The following PRPSAP2 variants were observed in gnomAD, a reference collection of about 807,000 sequenced individuals.
The protein encoded by PRPSAP2 is phosphoribosyl pyrophosphate synthase-associated protein 2.
A neutral mutation model predicts 40.6 loss-of-function variants in PRPSAP2; 24 were observed. That is an observed-to-expected ratio of 0.59 (90% CI 0.43 to 0.83). The LOEUF (loss-of-function observed/expected upper bound fraction) is 0.83. Among genes scored for constraint, PRPSAP2 ranks in the 40% least tolerant of loss-of-function variants. PRPSAP2 has a pLI of 0.00. For synonymous variants in PRPSAP2, 149 were observed against 164.7 expected, an observed-to-expected ratio of 0.90 and a Z score of 0.73; for missense variants, 292 against 465.6, an observed-to-expected ratio of 0.63 and a Z score of 3.43.
intron 9 of PRPSAP2, among the ~76,000 whole-genome samples, chr17:18,913,723 T>C (rs1256804958): frequency 6.6e-6 from 1 of 151,244 alleles, no homozygotes. Context: ...AATTTTTGTA[T>C]TTTTTGTAGA....
chr17:18,880,851 C>T (rs891006514), intron 6 of PRPSAP2, among the ~76,000 whole-genome samples: 2 of 151,708 alleles, frequency 1.3e-5, no homozygotes, highest in East Asian at 1.9e-4. Flanking sequence ...TTTATTTTTT[C>T]GAGATGGAGT....
At position 18,880,668 on chromosome 17, in the gene PRPSAP2, C is replaced by G. The variant is rs547116104; in HGVS notation, c.413-1900C>G. ...AAGTGATACTCCTGCCTCGGCCTCC[C>G]AAAGTGCTGGGTTTACAGGCATGAG... On this transcript the variant is annotated intron_variant, in intron 6 of 11. Coordinates refer to ENST00000268835, the MANE Select transcript of PRPSAP2 (RefSeq NM_002767.4). 2.0e-5 allele frequency among the ~76,000 whole-genome samples: 3 copies of G among 152,250 alleles called. No homozygotes were observed. In the East Asian group the frequency reaches 5.8e-4, roughly 29 times the overall value.
Position 18,928,862 on chromosome 17 carries a change from A to G in PRPSAP2, c.856A>G (p.Lys286Glu), listed in dbSNP as rs1239460264. 2 of 1,613,996 alleles carry G rather than the reference A, an allele frequency of 1.2e-6. No individual in the cohort carries two copies. The highest frequency in any genetic ancestry group is 1.7e-6 in the Non-Finnish European group (2 of 1,180,002). ...CTTTCTTGCTGCAGCAGAGACCCTGAAGGAAAGAGGTGCATATAAGATCTT... is the reference window on the plus strand; with the variant it reads ...CTTTCTTGCTGCAGCAGAGACCCTGGAGGAAAGAGGTGCATATAAGATCTT... ...DSFLAAAETLKERGAYKIFVM... is the reference protein window; with the variant it reads ...DSFLAAAETLEERGAYKIFVM... The change falls in exon 11 of 12, where the codon AAG (lysine) becomes GAG (glutamate). Residue 286 changes from lysine to glutamate, a missense_variant. Physicochemically the swap from Lys to Glu is moderately conservative, Grantham distance 56. Around this residue, in one of 2 missense-constraint regions of PRPSAP2, gnomAD observed 241 missense variants for 425.7 expected, o/e 0.57. Coordinates refer to ENST00000268835, the MANE Select transcript of PRPSAP2 (RefSeq NM_002767.4).
At chr17:18,874,099 T>C (rs552223400) in intron 5 of PRPSAP2, among the ~76,000 whole-genome samples, 86 of 151,900 alleles carry the variant, frequency 5.7e-4, no homozygotes, top group Non-Finnish European at 1.0e-3. Flanking sequence ...GAGATGGAGG[T>C]CTCACTGTAT....
chr17:18,867,359 CAT>C (rs765020404), intron 4 of PRPSAP2, 25 bp downstream of exon 4: 6 of 1,611,884 alleles, frequency 3.7e-6, no homozygotes, highest in Non-Finnish European at 5.1e-6. Flanking sequence ...GCATGTGGAA[CAT>C]TGACCTTTTT....
At chr17:18,910,461 T>C (rs1263903426) in intron 8 of PRPSAP2, among the ~76,000 whole-genome samples, 1 of 152,124 alleles carries the variant, frequency 6.6e-6, no homozygotes, top group African/African-American at 2.4e-5. Flanking sequence ...CTTTATGATT[T>C]CACTTACGTG....
chr17:18,877,168 C>T (rs2038359973), intron 5 of PRPSAP2, among the ~76,000 whole-genome samples: 1 of 152,096 alleles, frequency 6.6e-6, no homozygotes, highest in African/African-American at 2.4e-5. Flanking sequence ...CCACTGATGA[C>T]CTTTATGAAA....
intron 9 of PRPSAP2, among the ~76,000 whole-genome samples, chr17:18,919,762 A>T (rs2041587273): frequency 6.6e-6 from 1 of 152,238 alleles, no homozygotes; most frequent in Admixed American, 6.5e-5. Flanking sequence ...ATAGATAAAC[A>T]GGATCAGAAA....
chr17:18,902,091 A>AT lies in PRPSAP2; in HGVS notation c.585-9003dup, dbSNP rs202065025. ...GAGCCACTGCATCTGGCCTTGATAC[A>AT]TTTTTTTTTCTTTCCCACTAAATAC... On this transcript the variant is annotated intron_variant, in intron 8 of 11. Coordinates refer to ENST00000268835, the MANE Select transcript of PRPSAP2 (RefSeq NM_002767.4). Among the ~76,000 whole-genome samples the AT allele has an allele frequency of 3.3e-3, 497 of 151,406 alleles. 6 individuals carry two copies. The highest frequency in any genetic ancestry group is 0.011 in the African/African-American group (461 of 41,286).
Position 18,899,544 on chromosome 17 carries a change from T to G in PRPSAP2, c.584+9667T>G, listed in dbSNP as rs561484110. Among the ~76,000 whole-genome samples, 265 of 130,880 alleles carry G rather than the reference T, an allele frequency of 2.0e-3. 3 individuals carry two copies. In the East Asian group the frequency reaches 0.048, roughly 24 times the overall value. The allele number at this position is 130,880 out of a possible 152,430, so 85.9% of individuals were successfully genotyped here. A position where few individuals can be genotyped will look rare whatever the true frequency, so the allele number is the denominator to read the frequency against. ...GTTTTTTTTTTTTTTTTTTTTTTTT[T>G]TGAGACAGGGTCTCACCTCTGTTGC... On this transcript the variant is annotated intron_variant, in intron 8 of 11. Transcript: ENST00000268835.
chr17:18,905,517 A>G (rs779986245), intron 8 of PRPSAP2, among the ~76,000 whole-genome samples: 40 of 152,086 alleles, frequency 2.6e-4, no homozygotes, highest in Non-Finnish European at 4.9e-4. Flanking sequence ...CTAATAATCT[A>G]TGTGATGCCA....
At chr17:18,877,576 T>G (rs1264041674) in intron 5 of PRPSAP2, 122 bp from the exon 6 acceptor site, 1 of 804,882 alleles carries the variant, frequency 1.2e-6, no homozygotes, top group African/African-American at 2.2e-5. Flanking sequence ...TATTGGTTGG[T>G]TTTTTTCTGC....
chr17:18,881,522 G>A (rs1018528994), intron 6 of PRPSAP2, among the ~76,000 whole-genome samples: 21 of 152,032 alleles, frequency 1.4e-4, no homozygotes, highest in African/African-American at 4.8e-4. Flanking sequence ...ACAGGCGTGA[G>A]CCACCGTGTC....
At chr17:18,893,204 G>C (rs900274173) in intron 8 of PRPSAP2, among the ~76,000 whole-genome samples, 2 of 127,438 alleles carry the variant, frequency 1.6e-5, no homozygotes, top group African/African-American at 6.0e-5. Flanking sequence ...GCCCAGGCTT[G>C]AGTGCAGTGT....
intron 11 of PRPSAP2, chr17:18,929,937 T>G (rs1365093876): frequency 1.3e-5 from 2 of 152,160 alleles, no homozygotes; most frequent in Non-Finnish European, 2.9e-5. Context: ...TGCCAGACTG[T>G]TTTTCAAAGC....
In PRPSAP2 at chr17:18,885,403, C is replaced by CAA. The variant is rs775079199; in HGVS notation, c.528+2745_528+2746dup. On this transcript the variant is annotated intron_variant, in intron 7 of 11. Transcript: ENST00000268835. ...GGCGACAGAGTGAGATTCCTTCTCACAAAAAAAAAAAAAAAAAAAAAAAAA... is the reference window on the plus strand; with the variant it reads ...GGCGACAGAGTGAGATTCCTTCTCACAAAAAAAAAAAAAAAAAAAAAAAAAAA... Among the ~76,000 whole-genome samples the CAA allele has an allele frequency of 9.9e-3, 108 of 10,952 alleles. 22 individuals carry two copies. Among genetic ancestry groups the CAA allele is most frequent in the African/African-American group, 0.015 (70 of 4,548 alleles). 7.2% of individuals were successfully genotyped at this position (10,952 alleles called of 152,430 possible). A position where few individuals can be genotyped will look rare whatever the true frequency, so the allele number is the denominator to read the frequency against.
chr17:18,895,081 CT>C (rs35066217), intron 8 of PRPSAP2, among the ~76,000 whole-genome samples: 60,403 of 131,032 alleles, frequency 0.46, 13,663 homozygotes, highest in African/African-American at 0.53. Flanking sequence ...TAGATGTGTA[CT>C]TTTTTTTTTT....
At position 18,930,720 on chromosome 17, in the gene PRPSAP2, C is replaced by G. The variant is rs369036906; in HGVS notation, c.*22C>G. On this transcript the variant is annotated 3_prime_UTR_variant, in exon 12 of 12. Transcript: ENST00000268835. ...CTGAGTTTTCCTTTAGGAAAACTCCCGAGGGCCAAACTGGAAACATAAGAG... is the reference window on the plus strand; with the variant it reads ...CTGAGTTTTCCTTTAGGAAAACTCCGGAGGGCCAAACTGGAAACATAAGAG... 157 of 1,589,566 alleles carry G rather than the reference C, an allele frequency of 9.9e-5. No individual in the cohort carries two copies. Among genetic ancestry groups the G allele is most frequent in the Middle Eastern group, 5.2e-4 (3 of 5,742 alleles).
At chr17:18,908,621 C>A in intron 8 of PRPSAP2, 1 of 722,686 alleles carries the variant, frequency 1.4e-6, no homozygotes, top group Non-Finnish European at 2.6e-6. Flanking sequence ...AGTGACCATG[C>A]CTGGGTCTGG....
Sources: allele counts gnomAD v4.1 joint callset (sites outside exome capture counted in the v4.1 genomes callset), GRCh38; gene constraint gnomAD v4.1.1; regional missense constraint gnomAD v4.1.1; transcripts MANE v1.5; gene names NCBI Gene and HGNC (gene_info 2026-07-23, HGNC 2026-07-21).